Variants in KAT6A observed in about 807,000 individuals in gnomAD.
KAT6A encodes lysine acetyltransferase 6A, also known as histone acetyltransferase KAT6A.
Under a neutral mutation model 198.4 loss-of-function variants are expected in KAT6A, and 9 were observed. The ratio of observed to expected loss-of-function variants is 0.05; its 90% CI spans 0.03 to 0.08. KAT6A has a LOEUF of 0.08. Ranked by LOEUF, KAT6A falls within the 10% of genes least tolerant of loss-of-function variation. The pLI, the probability that KAT6A is intolerant of heterozygous loss-of-function variation, is 1.00. For missense variants in KAT6A, 2,077 were observed against 2,509.9 expected (o/e 0.83, Z 3.69); for synonymous variants, 890 against 883.0 (o/e 1.01, Z -0.14).
intron 2 of KAT6A, among the ~76,000 whole-genome samples, chr8:42,032,351 C>G (rs1827173610): frequency 6.6e-6 from 1 of 151,970 alleles, no homozygotes. Context: ...ATTGTTATAT[C>G]AAAAAATATA....
At chr8:41,999,340 T>C (rs1825372016) in intron 2 of KAT6A, among the ~76,000 whole-genome samples, 1 of 152,210 alleles carries the variant, frequency 6.6e-6, no homozygotes. Context: ...ATCCAAATAC[T>C]GGATGATATT....
intron 9 of KAT6A, among the ~76,000 whole-genome samples, chr8:41,952,400 C>T (rs539670139): frequency 2.6e-5 from 4 of 152,286 alleles, no homozygotes; most frequent in Admixed American, 2.6e-4. Context: ...ATTTCTTTTG[C>T]CTTAAGCCCA....
intron 2 of KAT6A, among the ~76,000 whole-genome samples, chr8:42,023,729 C>T (rs973626533): frequency 3.3e-5 from 5 of 151,810 alleles, no homozygotes; most frequent in African/African-American, 1.2e-4. Context: ...TCCAGTGATC[C>T]ACCTGCCTTG....
chr8:41,936,206 A>G (rs567205397), intron 16 of KAT6A, among the ~76,000 whole-genome samples: 1 of 152,332 alleles, frequency 6.6e-6, no homozygotes, highest in East Asian at 1.9e-4. Flanking sequence ...GGTTGCAGTG[A>G]GCTGAGACTG....
chr8:41,985,412 T>C (rs543351763), intron 3 of KAT6A, among the ~76,000 whole-genome samples: 1 of 152,342 alleles, frequency 6.6e-6, no homozygotes, highest in African/African-American at 2.4e-5. Flanking sequence ...AGCTAGGCTC[T>C]AAGTTCTGAC....
chr8:42,011,302 T>C (rs937429013), intron 2 of KAT6A, among the ~76,000 whole-genome samples: 1 of 152,230 alleles, frequency 6.6e-6, no homozygotes. Context: ...TTTTGCAGTC[T>C]AGATACTCAA....
intron 2 of KAT6A, among the ~76,000 whole-genome samples, chr8:41,998,266 C>T (rs58504155): frequency 0.27 from 41,627 of 151,974 alleles, 6,807 homozygotes; most frequent in African/African-American, 0.43. Context: ...AGTAAGCCTT[C>T]TGGAAGAATC....
rs767308832 is a variant in KAT6A at position 41,943,883 on chromosome 8, A to G, written c.2093T>C (p.Val698Ala). The change falls in exon 13 of 17, where the codon GTA (valine) becomes GCA (alanine). Residue 698 changes from valine (V) to alanine (A), a missense_variant. This residue lies in a region of KAT6A where 127 missense variants were observed against 209.6 expected (regional missense o/e 0.61). Coordinates refer to ENST00000265713, the MANE Select transcript of KAT6A (RefSeq NM_006766.5). ...TTGGTGATAAAGGCACTCCAATATTACACTTTTCCAATATGCCATGTAGGA... is the reference window on the plus strand; with the variant it reads ...TTGGTGATAAAGGCACTCCAATATTGCACTTTTCCAATATGCCATGTAGGA... Reference protein sequence around the residue: ...RLSYMAYWKSVILECLYHQND... With the variant: ...RLSYMAYWKSAILECLYHQND... 6.2e-7 allele frequency: 1 copy of G among 1,613,946 alleles called. No individual in the cohort carries two copies. The highest frequency in any genetic ancestry group is 1.1e-5 in the South Asian group (1 of 91,078).
chr8:41,993,850 C>A (rs1474078560), intron 2 of KAT6A, among the ~76,000 whole-genome samples: 1 of 152,212 alleles, frequency 6.6e-6, no homozygotes, highest in Non-Finnish European at 1.5e-5. Context: ...CTCCAGGTCA[C>A]TCTCATTCCC....
chr8:41,990,182 G>A (rs1824863347), intron 2 of KAT6A, among the ~76,000 whole-genome samples: 2 of 152,292 alleles, frequency 1.3e-5, no homozygotes, highest in Middle Eastern at 3.4e-3. Context: ...GTACGGCCAA[G>A]ATTTAAATTT....
chr8:42,036,037 G>A (rs1827360945), intron 2 of KAT6A, among the ~76,000 whole-genome samples: 1 of 152,128 alleles, frequency 6.6e-6, no homozygotes, highest in Admixed American at 6.5e-5. Context: ...CTATGACAAG[G>A]TAGCAAAGCG....
At chr8:42,033,823 A>T (rs974637729) in intron 2 of KAT6A, among the ~76,000 whole-genome samples, 1 of 152,230 alleles carries the variant, frequency 6.6e-6, no homozygotes, top group Non-Finnish European at 1.5e-5. Flanking sequence ...ACAGTTAAAA[A>T]TTTTTTAATT....
At chr8:41,968,582 C>G (rs921793170) in intron 8 of KAT6A, among the ~76,000 whole-genome samples, 1 of 152,190 alleles carries the variant, frequency 6.6e-6, no homozygotes, top group African/African-American at 2.4e-5. Flanking sequence ...CCTCAGGGAT[C>G]TAGAGCTAGA....
At chr8:42,014,704 TA>T (rs1826186501) in intron 2 of KAT6A, among the ~76,000 whole-genome samples, 1 of 152,150 alleles carries the variant, frequency 6.6e-6, no homozygotes, top group Non-Finnish European at 1.5e-5. Context: ...GAGGACAGCA[TA>T]TTAGCACTTT....
chr8:41,980,824 T>C (rs929862567), intron 5 of KAT6A, 22 bp downstream of exon 5: 9 of 1,556,300 alleles, frequency 5.8e-6, no homozygotes, highest in Non-Finnish European at 7.1e-6. Context: ...TTCCCAGTTT[T>C]ATTTCAGAAA....
At chr8:41,948,428 C>A (rs1227428620) in intron 10 of KAT6A, among the ~76,000 whole-genome samples, 2 of 152,154 alleles carry the variant, frequency 1.3e-5, no homozygotes, top group African/African-American at 2.4e-5. Context: ...CACGCAGAAG[C>A]ACCAAGCGGG....
At chr8:41,973,289 G>A (rs886976329) in intron 8 of KAT6A, among the ~76,000 whole-genome samples, 4 of 151,122 alleles carry the variant, frequency 2.6e-5, no homozygotes, top group African/African-American at 4.9e-5. Context: ...GGTGTGGCAC[G>A]ATCTCGGCTC....
intron 2 of KAT6A, among the ~76,000 whole-genome samples, chr8:42,006,805 GGC>G (rs1323881074): frequency 6.6e-6 from 1 of 152,030 alleles, no homozygotes; most frequent in Non-Finnish European, 1.5e-5. Flanking sequence ...AGACCAGACT[GGC>G]CAACGTGGTG....
At chr8:41,990,768 C>T (rs1364537855) in intron 2 of KAT6A, among the ~76,000 whole-genome samples, 15 of 152,058 alleles carry the variant, frequency 9.9e-5, no homozygotes, top group African/African-American at 3.1e-4. Flanking sequence ...CCAAGGCGGG[C>T]GGATCACAAG....
Sources: gnomAD v4.1 joint callset for allele counts (sites outside exome capture counted in the v4.1 genomes callset) on GRCh38, gnomAD v4.1.1 for gene constraint, gnomAD v4.1.1 regional missense constraint, MANE v1.5 for transcripts, NCBI Gene and HGNC (gene_info 2026-07-23, HGNC 2026-07-21) for gene names.